Variants in CWF19L2 observed in about 807,000 individuals in gnomAD.
CWF19L2 encodes the protein CWF19-like protein 2.
CWF19L2 carries 98 observed loss-of-function variants against 111.7 expected under a neutral mutation model. The ratio of observed to expected loss-of-function variants is 0.88; its 90% CI spans 0.75 to 1.04. The LOEUF (loss-of-function observed/expected upper bound fraction) is 1.04, where lower values mean the gene tolerates loss of function less well. Ranked by LOEUF, CWF19L2 falls within the 50% of genes least tolerant of loss-of-function variation. The pLI, the probability that CWF19L2 is intolerant of heterozygous loss-of-function variation, is 0.00. For missense variants in CWF19L2, 1,101 were observed against 1,051.4 expected (o/e 1.05, Z -0.65); for synonymous variants, 351 against 342.9 (o/e 1.02, Z -0.26).
intron 6 of CWF19L2, among the ~76,000 whole-genome samples, chr11:107,434,556 T>C (rs966480382): frequency 8.0e-5 from 12 of 150,666 alleles, no homozygotes; most frequent in Non-Finnish European, 2.9e-5. Context: ...AGAATATTCA[T>C]AGCAGAACAC....
chr11:107,343,731 ATAGTTTT>A (rs1332123878), intron 14 of CWF19L2, among the ~76,000 whole-genome samples: 1 of 151,980 alleles, frequency 6.6e-6, no homozygotes, highest in Non-Finnish European at 1.5e-5. Flanking sequence ...GTCAATTTGT[ATAGTTTT>A]TAAAGTGATT....
rs764600477 is a variant in CWF19L2, at chr11:107,326,812, C to T, written c.*98G>A. On this transcript the variant is annotated 3_prime_UTR_variant, in exon 18 of 18. Transcript: ENST00000282251. Reference sequence around the variant, plus strand: ...CCCAGAGCAGTCTGCTGCTGTGACTCTCTCTGCCTGTGACCTGAGGGTCAG... The same window carrying T: ...CCCAGAGCAGTCTGCTGCTGTGACTTTCTCTGCCTGTGACCTGAGGGTCAG... 9.6e-7 allele frequency: 1 copy of T among 1,037,682 alleles called. No individual in the cohort carries two copies. Among genetic ancestry groups the T allele is most frequent in the Admixed American group, 2.9e-5 (1 of 34,252 alleles). The allele number at this position is 1,037,682 out of a possible 1,614,324, so 64.3% of individuals were successfully genotyped here. A position where few individuals can be genotyped will look rare whatever the true frequency, so the allele number is the denominator to read the frequency against.
intron 12 of CWF19L2, among the ~76,000 whole-genome samples, chr11:107,358,889 T>C (rs1002578818): frequency 2.6e-5 from 4 of 152,150 alleles, no homozygotes; most frequent in African/African-American, 9.7e-5. Flanking sequence ...CCCAACATCA[T>C]ATTTGGCTGG....
chr11:107,403,813 G>T, intron 10 of CWF19L2: 1 of 849,896 alleles, frequency 1.2e-6, no homozygotes, highest in Non-Finnish European at 2.0e-6. Context: ...CTGTCAGACC[G>T]CACAACCTTT....
chr11:107,351,275 A>G (rs940656707), intron 13 of CWF19L2, among the ~76,000 whole-genome samples: 23 of 152,202 alleles, frequency 1.5e-4, no homozygotes, highest in Non-Finnish European at 4.4e-5. Context: ...AGAAATGGAC[A>G]GTAAGGAGTG....
intron 16 of CWF19L2, among the ~76,000 whole-genome samples, chr11:107,330,969 T>C (rs921352369): frequency 6.6e-6 from 1 of 152,154 alleles, no homozygotes; most frequent in East Asian, 1.9e-4. Flanking sequence ...TATGATATAG[T>C]GGAGAGTGGT....
intron 10 of CWF19L2, among the ~76,000 whole-genome samples, chr11:107,413,986 A>C (rs1190912971): frequency 6.6e-6 from 1 of 152,204 alleles, no homozygotes; most frequent in African/African-American, 2.4e-5. Flanking sequence ...AAGAGGTATC[A>C]TGTAAAAACA....
intron 12 of CWF19L2, among the ~76,000 whole-genome samples, chr11:107,361,046 T>C (rs1860324213): frequency 6.6e-6 from 1 of 152,214 alleles, no homozygotes; most frequent in African/African-American, 2.4e-5. Context: ...CCAGAAGAGT[T>C]TCCCCTAGGT....
chr11:107,383,787 A>G (rs1364640103), intron 12 of CWF19L2, among the ~76,000 whole-genome samples: 1 of 152,230 alleles, frequency 6.6e-6, no homozygotes, highest in Non-Finnish European at 1.5e-5. Context: ...TAAAATACAC[A>G]TCAACAGCAA....
intron 10 of CWF19L2, among the ~76,000 whole-genome samples, chr11:107,402,869 G>GTATATATATATATA (rs1491324734): frequency 3.2e-4 from 7 of 22,020 alleles, no homozygotes; most frequent in Non-Finnish European, 3.6e-4. Context: ...ACAAACTGTG[G>GTATATATATATATA]TGTGTATATA....
chr11:107,429,508 G>GTGGGGTGCAAGT, intron 7 of CWF19L2, 57 bp from the exon 8 acceptor site: 2 of 1,351,716 alleles, frequency 1.5e-6, no homozygotes, highest in Non-Finnish European at 2.0e-6. Context: ...TCAGTGACTT[G>GTGGGGTGCAAGT]CACCCCACAT....
At chr11:107,352,539 A>G (rs1860171784) in intron 13 of CWF19L2, among the ~76,000 whole-genome samples, 1 of 152,224 alleles carries the variant, frequency 6.6e-6, no homozygotes, top group African/African-American at 2.4e-5. Flanking sequence ...AAGAATGAAC[A>G]TAACTCTTAT....
intron 8 of CWF19L2, among the ~76,000 whole-genome samples, chr11:107,422,696 CA>C (rs1861318626): frequency 6.6e-6 from 1 of 151,822 alleles, no homozygotes; most frequent in Non-Finnish European, 1.5e-5. Context: ...CCTGAATTCC[CA>C]GATTCTATAA....
In CWF19L2 at chr11:107,336,642, CAT is replaced by C; in HGVS notation, c.2272_2273del (p.Met758GlufsTer11). 6.2e-7 allele frequency: 1 copy of C among 1,600,058 alleles called. No homozygotes were observed. The highest frequency in any genetic ancestry group is 8.5e-7 in the Non-Finnish European group (1 of 1,171,742). On this transcript the variant is annotated frameshift_variant, in exon 15 of 18. Coordinates refer to ENST00000282251, the MANE Select transcript of CWF19L2 (RefSeq NM_152434.3). LOFTEE classifies it high-confidence loss of function. ...GLDCIFLETN[M>X]SMKKQYHMVY... ...CCATGTGATACTGTTTCTTCATGCT[CAT>C]ATTAGTTTCCAAAAAAATGCAGTCT...
rs60810574 is a variant in CWF19L2, at chr11:107,391,547, T to A, written c.1734+1232A>T. Among the ~76,000 whole-genome samples the A allele has an allele frequency of 3.8e-3, 585 of 152,342 alleles. 1 individual carries two copies. Among genetic ancestry groups the A allele is most frequent in the African/African-American group, 0.013 (527 of 41,582 alleles). On this transcript the variant is annotated intron_variant, in intron 11 of 17. Coordinates refer to ENST00000282251, the MANE Select transcript of CWF19L2 (RefSeq NM_152434.3). The stretch of plus-strand genomic sequence containing the variant: ...AACCCTTGTTCTGTAAACAGCTTTA[T>A]CAAAAGCAAAGCTGATATTCTGGTC...
At chr11:107,380,071 A>T (rs1233738185) in intron 12 of CWF19L2, among the ~76,000 whole-genome samples, 1 of 150,350 alleles carries the variant, frequency 6.7e-6, no homozygotes, top group Non-Finnish European at 1.5e-5. Context: ...AAAAAAAAAA[A>T]ATCAGATACT....
At chr11:107,419,851 T>A in intron 8 of CWF19L2, among the ~76,000 whole-genome samples, 1 of 152,114 alleles carries the variant, frequency 6.6e-6, no homozygotes, top group East Asian at 1.9e-4. Flanking sequence ...TTTTAAAATA[T>A]ATTTGAGGTT....
rs1274796869 is a variant in CWF19L2, at chr11:107,374,244, C to A, written c.1872+15830G>T. Reference sequence around the variant, plus strand: ...TCCCCAAACTAGCAAGGCAGGCCAACGTTCAGATTCAGGAAATACAGAGAA... The same window carrying A: ...TCCCCAAACTAGCAAGGCAGGCCAAAGTTCAGATTCAGGAAATACAGAGAA... On this transcript the variant is annotated intron_variant, in intron 12 of 17. Transcript: ENST00000282251. Among the ~76,000 whole-genome samples, 5 of 124,880 alleles carry A rather than the reference C, an allele frequency of 4.0e-5. 2 individuals carry two copies. Among genetic ancestry groups the A allele is most frequent in the African/African-American group, 1.4e-4 (4 of 27,822 alleles). 81.9% of individuals were successfully genotyped at this position (124,880 alleles called of 152,430 possible).
At chr11:107,395,223 T>C (rs1297010541) in intron 10 of CWF19L2, among the ~76,000 whole-genome samples, 1 of 152,114 alleles carries the variant, frequency 6.6e-6, no homozygotes, top group African/African-American at 2.4e-5. Context: ...AAACGGGAAT[T>C]TCTCCACACA....
Sources: gnomAD v4.1 joint callset for allele counts (sites outside exome capture counted in the v4.1 genomes callset) on GRCh38, gnomAD v4.1.1 for gene constraint, MANE v1.5 for transcripts, NCBI Gene and HGNC (gene_info 2026-07-23, HGNC 2026-07-21) for gene names.